NAV3: variants seen among roughly 807,000 people sequenced by gnomAD.
NAV3 encodes the protein pore membrane and/or filament interacting like protein 1.
Under a neutral mutation model 244.7 loss-of-function variants are expected in NAV3, and 87 were observed. The observed-to-expected ratio is 0.36, with a 90% confidence interval of 0.30 to 0.42. The LOEUF (loss-of-function observed/expected upper bound fraction) is 0.42. Among genes scored for constraint, NAV3 ranks in the 20% least tolerant of loss-of-function variants. The pLI, the probability that NAV3 is intolerant of heterozygous loss-of-function variation, is 1.00. For synonymous variants in NAV3, 1,126 were observed against 1,042.2 expected, an observed-to-expected ratio of 1.08 and a Z score of -1.55; for missense variants, 2,663 against 2,893.3, an observed-to-expected ratio of 0.92 and a Z score of 1.83.
chr12:77,915,858 C>T (rs1292289221), intron 1 of NAV3, among the ~76,000 whole-genome samples: 3 of 151,896 alleles, frequency 2.0e-5, no homozygotes, highest in Non-Finnish European at 4.4e-5. Flanking sequence ...AGACCCTGTC[C>T]CCACCACTGG....
intron 24 of NAV3, among the ~76,000 whole-genome samples, chr12:78,171,610 C>T (rs1958001261): frequency 6.6e-6 from 1 of 151,486 alleles, no homozygotes; most frequent in Non-Finnish European, 1.5e-5. Flanking sequence ...TAAAACTCAG[C>T]ATTAAATTTA....
chr12:77,636,497 C>G (rs1330898072), intron 2 of NAV3, among the ~76,000 whole-genome samples: 6 of 147,598 alleles, frequency 4.1e-5, no homozygotes, highest in Non-Finnish European at 1.5e-5. Flanking sequence ...TAGGAAACAA[C>G]AGATACTGAA....
intron 12 of NAV3, among the ~76,000 whole-genome samples, chr12:78,112,218 C>T (rs2138419967): frequency 6.6e-6 from 1 of 152,286 alleles, no homozygotes; most frequent in South Asian, 2.1e-4. Context: ...ATGACTCTGC[C>T]ACATTGCTTG....
intron 12 of NAV3, among the ~76,000 whole-genome samples, chr12:78,069,772 A>G (rs1593459828): frequency 6.6e-6 from 1 of 151,966 alleles, no homozygotes; most frequent in Non-Finnish European, 1.5e-5. Flanking sequence ...TTACTAGGAG[A>G]TGCCTCACAT....
intron 2 of NAV3, among the ~76,000 whole-genome samples, chr12:77,732,643 A>T (rs1166077221): frequency 2.6e-5 from 4 of 152,066 alleles, no homozygotes; most frequent in African/African-American, 9.7e-5. Context: ...GCGTGGCACA[A>T]ATTGTTTTCA....
intron 18 of NAV3, among the ~76,000 whole-genome samples, chr12:78,129,623 T>C (rs1956076008): frequency 6.6e-6 from 1 of 152,144 alleles, no homozygotes; most frequent in Admixed American, 6.5e-5. Flanking sequence ...ATAGATTCAA[T>C]GACTTTAAAA....
At chr12:77,981,341 T>C (rs142660184) in intron 5 of NAV3, among the ~76,000 whole-genome samples, 124 of 152,282 alleles carry the variant, frequency 8.1e-4, no homozygotes, top group South Asian at 3.7e-3. Context: ...TTAGTTATCA[T>C]TTTATAGCAG....
rs1876403256 is a variant in NAV3 at position 77,717,252 on chromosome 12, C to T, written c.72+144986C>T. 2.0e-5 allele frequency among the ~76,000 whole-genome samples: 3 copies of T among 152,150 alleles called. No homozygotes were observed. In the South Asian group the frequency reaches 6.2e-4, roughly 32 times the overall value. ...TTTTTCTTCCTGCATGACCAAAACTCTATACCCATTGAACAACTCCCTATT... is the reference window on the plus strand; with the variant it reads ...TTTTTCTTCCTGCATGACCAAAACTTTATACCCATTGAACAACTCCCTATT... On this transcript the variant is annotated intron_variant, in intron 2 of 8. Coordinates refer to the NAV3 transcript ENST00000550042.
At chr12:77,762,329 A>T (rs1869511932) in intron 2 of NAV3, among the ~76,000 whole-genome samples, 1 of 152,188 alleles carries the variant, frequency 6.6e-6, no homozygotes, top group Admixed American at 6.5e-5. Context: ...CCTAATATAG[A>T]TGACAGGTGG....
chr12:77,642,941 G>A (rs1485806729), intron 2 of NAV3, among the ~76,000 whole-genome samples: 1 of 151,832 alleles, frequency 6.6e-6, no homozygotes, highest in Non-Finnish European at 1.5e-5. Context: ...CAACAGGATA[G>A]GATTTTCATA....
chr12:77,733,060 T>C lies in NAV3; in HGVS notation c.72+160794T>C, dbSNP rs575644805. Among the ~76,000 whole-genome samples, 6 of 152,104 alleles carry C rather than the reference T, an allele frequency of 3.9e-5. No homozygotes were observed. The South Asian group carries it at 1.0e-3, about 26-fold the overall frequency. On this transcript the variant is annotated intron_variant, in intron 2 of 8. Coordinates refer to the NAV3 transcript ENST00000550042. ...GATTTTAACTGGGAAAATAATATGATTGATTTTTTTTCCAGAAAGCACCTT... is the reference window on the plus strand; with the variant it reads ...GATTTTAACTGGGAAAATAATATGACTGATTTTTTTTCCAGAAAGCACCTT...
chr12:78,185,856 T>G (rs300515), intron 31 of NAV3, among the ~76,000 whole-genome samples, 158 bp downstream of exon 31: 150,958 of 151,900 alleles, frequency 0.99, 75,017 homozygotes, highest in Middle Eastern at 1. Flanking sequence ...GACAATAAAA[T>G]GATGACATCA....
rs529650176 is a variant in NAV3 at position 78,015,120 on chromosome 12, T to C, written c.1908-6627T>C. Among the ~76,000 whole-genome samples, 104 of 152,236 alleles carry C rather than the reference T, an allele frequency of 6.8e-4. 1 individual carries two copies. Among genetic ancestry groups the C allele is most frequent in the Middle Eastern group, 3.4e-3 (1 of 294 alleles). On this transcript the variant is annotated intron_variant, in intron 8 of 39. Coordinates refer to ENST00000397909, the MANE Select transcript of NAV3 (RefSeq NM_001024383.2). ...TTTCTGTGCTTGATTACGAGGTTCATGGCAAGATTGCCTAACCAAACCATT... is the reference window on the plus strand; with the variant it reads ...TTTCTGTGCTTGATTACGAGGTTCACGGCAAGATTGCCTAACCAAACCATT...
At chr12:77,814,427 G>C (rs1028445259) in intron 2 of NAV3, among the ~76,000 whole-genome samples, 2 of 152,112 alleles carry the variant, frequency 1.3e-5, no homozygotes, top group Non-Finnish European at 2.9e-5. Flanking sequence ...CAAATTAAAA[G>C]AGAAATAAAT....
At chr12:78,035,920 G>T (rs1279295842) in intron 9 of NAV3, among the ~76,000 whole-genome samples, 1 of 152,022 alleles carries the variant, frequency 6.6e-6, no homozygotes, top group Non-Finnish European at 1.5e-5. Context: ...AATTTGATTT[G>T]TGCTTTTACA....
chr12:77,630,911 TATC>T (rs1363732385), intron 2 of NAV3, among the ~76,000 whole-genome samples: 1 of 152,216 alleles, frequency 6.6e-6, no homozygotes, highest in African/African-American at 2.4e-5. Flanking sequence ...AGAGCAGAAA[TATC>T]ATACATTTGG....
chr12:77,732,545 T>A (rs77845523), intron 2 of NAV3, among the ~76,000 whole-genome samples: 3,224 of 152,124 alleles, frequency 0.021, 119 homozygotes, highest in African/African-American at 0.073. Flanking sequence ...GTTCTGGTAA[T>A]CATTGCTAAC....
chr12:78,119,087 C>A (rs924320395), intron 14 of NAV3, 150 bp from the exon 15 acceptor site: 3 of 834,794 alleles, frequency 3.6e-6, no homozygotes, highest in Non-Finnish European at 5.6e-6. Flanking sequence ...TGCACTCAGT[C>A]CTCTCAATAT....
intron 2 of NAV3, among the ~76,000 whole-genome samples, chr12:77,819,067 T>G (rs535302664): frequency 9.9e-5 from 15 of 152,038 alleles, no homozygotes; most frequent in African/African-American, 3.6e-4. Context: ...TTTAATAATA[T>G]TAAAATGCAT....
Sources: gnomAD v4.1 joint callset for allele counts (sites outside exome capture counted in the v4.1 genomes callset) on GRCh38, gnomAD v4.1.1 for gene constraint, MANE v1.5 for transcripts, NCBI Gene and HGNC (gene_info 2026-07-23, HGNC 2026-07-21) for gene names.